The following MORC1 variants were observed in gnomAD, a reference collection of about 807,000 sequenced individuals.
MORC1 encodes the protein MORC family CW-type zinc finger 1.
MORC1 carries 59 observed loss-of-function variants against 134.9 expected under a neutral mutation model. The observed-to-expected ratio is 0.44, with a 90% CI of 0.35 to 0.54. MORC1 has a LOEUF of 0.54. MORC1 is among the 20% of genes least tolerant of loss of function. The pLI, the probability that MORC1 is intolerant of heterozygous loss-of-function variation, is 0.00. For missense variants in MORC1, 947 were observed against 1,134.5 expected (o/e 0.83, Z 2.37); for synonymous variants, 395 against 391.7 (o/e 1.01, Z -0.10).
chr3:108,979,780 G>T, intron 23 of MORC1, 113 bp from the exon 24 acceptor site: 1 of 1,219,480 alleles, frequency 8.2e-7, no homozygotes, highest in East Asian at 2.5e-5. Context: ...ACAAGAACAT[G>T]CGTGTAATGC....
chr3:109,042,002 A>G (rs1332349635), intron 14 of MORC1, among the ~76,000 whole-genome samples: 1 of 152,176 alleles, frequency 6.6e-6, no homozygotes, highest in Non-Finnish European at 1.5e-5. Flanking sequence ...TCATCAAGTA[A>G]GCCATTATAC....
intron 14 of MORC1, among the ~76,000 whole-genome samples, chr3:109,039,850 C>A (rs1356048765): frequency 1.3e-5 from 2 of 152,136 alleles, no homozygotes; most frequent in African/African-American, 4.8e-5. Flanking sequence ...CCCCTTCTAG[C>A]TGGAGTGAAT....
At chr3:109,040,276 T>C (rs1387862539) in intron 14 of MORC1, among the ~76,000 whole-genome samples, 1 of 149,058 alleles carries the variant, frequency 6.7e-6, no homozygotes, top group Non-Finnish European at 1.5e-5. Flanking sequence ...CAACAGAAAT[T>C]GTGCCTGAAA....
intron 1 of MORC1, among the ~76,000 whole-genome samples, chr3:109,114,974 G>A (rs568891218): frequency 1.3e-5 from 2 of 152,240 alleles, no homozygotes; most frequent in East Asian, 3.9e-4. Context: ...AATGGCCTCA[G>A]GTCACTTTCT....
At chr3:109,094,826 A>G in intron 7 of MORC1, 83 bp downstream of exon 7, 4 of 1,305,844 alleles carry the variant, frequency 3.1e-6, no homozygotes, top group Non-Finnish European at 4.0e-6. Context: ...GAACAAAAAA[A>G]ATGAAAACAT....
At chr3:108,977,644 T>C (rs1947598923) in intron 24 of MORC1, among the ~76,000 whole-genome samples, 1 of 152,184 alleles carries the variant, frequency 6.6e-6, no homozygotes, top group Non-Finnish European at 1.5e-5. Flanking sequence ...CACATGCATA[T>C]AAAATTTACT....
intron 25 of MORC1, among the ~76,000 whole-genome samples, chr3:108,970,555 T>G (rs1207963293): frequency 6.6e-6 from 1 of 152,218 alleles, no homozygotes; most frequent in Non-Finnish European, 1.5e-5. Flanking sequence ...TTAGGGATTG[T>G]GCCCAAGATC....
At position 108,997,930 on chromosome 3, in the gene MORC1, T is replaced by G. The variant is rs1024314635; in HGVS notation, c.2187+2627A>C. 5.9e-5 allele frequency among the ~76,000 whole-genome samples: 9 copies of G among 152,034 alleles called. 1 individual carries two copies. The highest frequency in any genetic ancestry group is 1.3e-4 in the Admixed American group (2 of 15,268). Reference sequence around the variant, plus strand: ...ATTTTATTAACATAGCAAAAACAAATCTGCCAGTCAGAATGGAGTTATTGT... The same window carrying G: ...ATTTTATTAACATAGCAAAAACAAAGCTGCCAGTCAGAATGGAGTTATTGT... On this transcript the variant is annotated intron_variant, in intron 21 of 27. Transcript: ENST00000232603.
intron 16 of MORC1, among the ~76,000 whole-genome samples, chr3:109,028,697 T>C (rs1384787737): frequency 6.6e-6 from 1 of 152,194 alleles, no homozygotes; most frequent in Non-Finnish European, 1.5e-5. Flanking sequence ...TTTGTGGTTA[T>C]GTACTGGGGA....
intron 21 of MORC1, among the ~76,000 whole-genome samples, chr3:108,998,729 CAG>C (rs1288534329): frequency 6.6e-6 from 1 of 152,076 alleles, no homozygotes; most frequent in Non-Finnish European, 1.5e-5. Flanking sequence ...TACAGCCAAA[CAG>C]AAATTAATGT....
At chr3:109,006,786 A>T (rs1948550324) in intron 18 of MORC1, among the ~76,000 whole-genome samples, 1 of 152,222 alleles carries the variant, frequency 6.6e-6, no homozygotes, top group Admixed American at 6.5e-5. Context: ...TACATTATTT[A>T]AAAAGGTTTT....
At chr3:109,069,473 A>G (rs1000821432) in intron 9 of MORC1, among the ~76,000 whole-genome samples, 159 bp downstream of exon 9, 7 of 152,166 alleles carry the variant, frequency 4.6e-5, no homozygotes, top group African/African-American at 1.7e-4. Flanking sequence ...GTTCACATCC[A>G]ATTACTCTTT....
chr3:109,073,398 T>C (rs1950360318), intron 8 of MORC1, among the ~76,000 whole-genome samples: 1 of 56,150 alleles, frequency 1.8e-5, no homozygotes, highest in Non-Finnish European at 4.2e-5. Context: ...AGGTGATTCC[T>C]TTGATTCTGC....
chr3:109,059,239 T>C (rs1950026571), intron 12 of MORC1, among the ~76,000 whole-genome samples: 1 of 152,156 alleles, frequency 6.6e-6, no homozygotes, highest in East Asian at 1.9e-4. Flanking sequence ...TGGGCAGCAG[T>C]GATTATTTTA....
intron 21 of MORC1, among the ~76,000 whole-genome samples, chr3:108,992,028 G>T (rs890396961): frequency 2.0e-5 from 3 of 151,958 alleles, no homozygotes; most frequent in African/African-American, 7.3e-5. Flanking sequence ...ATCCCAATCT[G>T]ATTAATTTTT....
At chr3:109,081,249 C>G (rs1456884751) in intron 8 of MORC1, among the ~76,000 whole-genome samples, 1 of 151,978 alleles carries the variant, frequency 6.6e-6, no homozygotes, top group Non-Finnish European at 1.5e-5. Context: ...TGCTGAAAGT[C>G]AGATTGAGAG....
rs1329996086 is a variant in MORC1, at chr3:109,007,133, A to C, written c.1705-42T>G. ...ACCATTAAGGCAAATGTAAGTAAAA[A>C]TAAGCTTCAACTGGCATAGGGTAAT... On this transcript the variant is annotated intron_variant, in intron 17 of 27. Transcript: ENST00000232603. 4 of 1,512,676 alleles carry C rather than the reference A, an allele frequency of 2.6e-6. No homozygotes were observed. The East Asian group carries it at 6.8e-5, about 26-fold the overall frequency. The allele number at this position is 1,512,676 out of a possible 1,614,324, so 93.7% of individuals were successfully genotyped here.
chr3:109,094,867 AC>A, intron 7 of MORC1, 41 bp downstream of exon 7: 13 of 1,512,926 alleles, frequency 8.6e-6, no homozygotes, highest in Non-Finnish European at 1.1e-5. Flanking sequence ...GACACTGAAA[AC>A]AAATACTTCC....
intron 3 of MORC1, among the ~76,000 whole-genome samples, chr3:109,106,603 C>T (rs1951043212): frequency 6.6e-6 from 1 of 152,174 alleles, no homozygotes; most frequent in Admixed American, 6.5e-5. Flanking sequence ...TGGCATCACC[C>T]TGCCCCTAGG....
Sources: allele counts gnomAD v4.1 joint callset (sites outside exome capture counted in the v4.1 genomes callset), GRCh38; gene constraint gnomAD v4.1.1; transcripts MANE v1.5; gene names NCBI Gene and HGNC (gene_info 2026-07-23, HGNC 2026-07-21).